STOX2: variants seen among roughly 807,000 people sequenced by gnomAD.
STOX2 encodes the protein storkhead box 2.
A neutral mutation model predicts 60.9 loss-of-function variants in STOX2; 28 were observed. The observed-to-expected ratio is 0.46, with a 90% confidence interval of 0.34 to 0.63. The LOEUF (loss-of-function observed/expected upper bound fraction) is 0.63. Among genes scored for constraint, STOX2 ranks in the 30% least tolerant of loss-of-function variants. STOX2 has a pLI of 0.01. For missense variants in STOX2, 1,024 were observed against 1,187.7 expected (o/e 0.86, Z 2.03); for synonymous variants, 472 against 463.9 (o/e 1.02, Z -0.22).
At chr4:183,950,071 A>G (rs1004162824) in intron 1 of STOX2, among the ~76,000 whole-genome samples, 10 of 152,236 alleles carry the variant, frequency 6.6e-5, no homozygotes, top group African/African-American at 2.4e-4. Flanking sequence ...TGCTAACTGC[A>G]TTGGATTAAT....
At chr4:183,982,181 C>T (rs1182948836) in intron 1 of STOX2, among the ~76,000 whole-genome samples, 1 of 152,174 alleles carries the variant, frequency 6.6e-6, no homozygotes, top group Non-Finnish European at 1.5e-5. Flanking sequence ...TTTTCTGTGT[C>T]TCCTCCAGCT....
At position 183,856,120 on chromosome 4, in the gene STOX2, G is replaced by A. The variant is rs991195730; in HGVS notation, c.364+58065G>A. Among the ~76,000 whole-genome samples the A allele has an allele frequency of 1.3e-5, 2 of 152,104 alleles. No homozygotes were observed. Among genetic ancestry groups the A allele is most frequent in the East Asian group, 1.9e-4 (1 of 5,198 alleles). Reference sequence around the variant, plus strand: ...GACCTCTCAGAAACATCCTAAGTGCGCACCCTGGGGTCTCGAATAGGCTGG... The same window carrying A: ...GACCTCTCAGAAACATCCTAAGTGCACACCCTGGGGTCTCGAATAGGCTGG... On this transcript the variant is annotated intron_variant, in intron 1 of 2. Coordinates refer to the STOX2 transcript ENST00000513034. This position sits in a 1 kb window ranked among gnomAD's most constrained non-coding sequence, Gnocchi z 4.0.
At chr4:183,953,421 T>A (rs1743152714) in intron 1 of STOX2, among the ~76,000 whole-genome samples, 2 of 152,262 alleles carry the variant, frequency 1.3e-5, no homozygotes, top group South Asian at 4.1e-4. Context: ...CACCTTCCCC[T>A]CCCACTAGAG....
chr4:183,981,717 C>A (rs1458941742), intron 1 of STOX2, among the ~76,000 whole-genome samples: 2 of 152,136 alleles, frequency 1.3e-5, no homozygotes, highest in Non-Finnish European at 2.9e-5. Context: ...ATAGTTTATA[C>A]CACAATGTGG....
At chr4:183,876,317 G>A (rs1393251755) in intron 1 of STOX2, among the ~76,000 whole-genome samples, 1 of 152,196 alleles carries the variant, frequency 6.6e-6, no homozygotes, top group Non-Finnish European at 1.5e-5. Flanking sequence ...GTGCGTAATG[G>A]CTTTCCAGAG....
rs768112329 is a variant in STOX2, at chr4:184,009,968, G to C, written c.1130G>C (p.Arg377Pro). Residue 377 changes from arginine to proline, a missense_variant, in exon 3 of 4, where the codon CGG becomes CCG. Coordinates refer to ENST00000308497, the MANE Select transcript of STOX2 (RefSeq NM_020225.3). The surrounding 1 kb of genome is among the most constrained non-coding windows in gnomAD (Gnocchi z 4.0). The part of the protein sequence containing the change: ...HGKSRSHSKT[R>P]VSKGDPSDGS... ...AAGTCTCGGTCTCACAGCAAGACACGGGTGTCTAAAGGAGACCCTTCCGAC... is the reference window on the plus strand; with the variant it reads ...AAGTCTCGGTCTCACAGCAAGACACCGGTGTCTAAAGGAGACCCTTCCGAC... 1.2e-6 allele frequency: 2 copies of C among 1,613,810 alleles called. No homozygotes were observed. The highest frequency in any genetic ancestry group is 1.7e-6 in the Non-Finnish European group (2 of 1,179,812).
chr4:184,017,296 C>A lies in STOX2; in HGVS notation c.*12C>A. 1 of 1,575,540 alleles carries A rather than the reference C, an allele frequency of 6.3e-7. No homozygotes were observed. The highest frequency in any genetic ancestry group is 8.6e-7 in the Non-Finnish European group (1 of 1,159,828). On this transcript the variant is annotated 3_prime_UTR_variant, in exon 4 of 4. Coordinates refer to ENST00000308497, the MANE Select transcript of STOX2 (RefSeq NM_020225.3). Reference sequence around the variant, plus strand: ...TTACTAGCGTGTGATTGTCCTTCTGCCTCAGATCTTCTGTCTCATTCGATA... The same window carrying A: ...TTACTAGCGTGTGATTGTCCTTCTGACTCAGATCTTCTGTCTCATTCGATA...
intron 2 of STOX2, among the ~76,000 whole-genome samples, chr4:184,005,837 T>C (rs965881494): frequency 1.3e-5 from 2 of 152,170 alleles, no homozygotes. Flanking sequence ...GGTCACAGCA[T>C]GGAAAATGGC....
intron 1 of STOX2, among the ~76,000 whole-genome samples, chr4:183,956,478 C>A (rs927506808): frequency 6.6e-6 from 1 of 150,602 alleles, no homozygotes; most frequent in African/African-American, 2.4e-5. Flanking sequence ...ATCTATCTAT[C>A]TATCTCTAGT....
intron 1 of STOX2, among the ~76,000 whole-genome samples, chr4:183,989,796 T>C (rs1050130292): frequency 2.0e-5 from 3 of 152,196 alleles, no homozygotes; most frequent in Non-Finnish European, 4.4e-5. Flanking sequence ...TAAATTTTGG[T>C]CCTCAAAAGT....
At chr4:183,888,742 C>A (rs1368077085) in intron 1 of STOX2, among the ~76,000 whole-genome samples, 2 of 152,214 alleles carry the variant, frequency 1.3e-5, no homozygotes, top group African/African-American at 2.4e-5. Flanking sequence ...GAGACAGACT[C>A]TTGCTCCTGT....
intron 1 of STOX2, among the ~76,000 whole-genome samples, chr4:183,947,936 G>T (rs1294804093): frequency 6.6e-6 from 1 of 152,242 alleles, no homozygotes; most frequent in South Asian, 2.1e-4. Flanking sequence ...GTAAGTAGAG[G>T]CTGGGTGCAG....
Position 184,018,576 on chromosome 4 carries a change from A to C in STOX2, c.*1292A>C, listed in dbSNP as rs925391703. 2.6e-5 allele frequency: 4 copies of C among 152,244 alleles called. No homozygotes were observed. Among genetic ancestry groups the C allele is most frequent in the Admixed American group, 2.6e-4 (4 of 15,284 alleles). The allele number at this position is 152,244 out of a possible 1,614,324, so 9.4% of individuals were successfully genotyped here. ...ATTATGCATACATGAACTATGCCAG[A>C]GTAATGTTTACAGATACTTTGTAAC... On this transcript the variant is annotated 3_prime_UTR_variant, in exon 4 of 4. Coordinates refer to ENST00000308497, the MANE Select transcript of STOX2 (RefSeq NM_020225.3).
intron 1 of STOX2, among the ~76,000 whole-genome samples, chr4:183,926,328 ATAAG>A (rs145542601): frequency 0.16 from 24,477 of 152,154 alleles, 2,379 homozygotes; most frequent in African/African-American, 0.28. Flanking sequence ...CCAAGAAGAA[ATAAG>A]TAAGAAACAC....
chr4:183,918,396 A>G (rs909705204), intron 1 of STOX2, among the ~76,000 whole-genome samples: 2 of 152,234 alleles, frequency 1.3e-5, no homozygotes, highest in Non-Finnish European at 2.9e-5. Flanking sequence ...ACTTAAAATC[A>G]GGGAAATTGT....
chr4:183,841,497 G>A (rs559264556), intron 1 of STOX2, among the ~76,000 whole-genome samples: 17 of 152,244 alleles, frequency 1.1e-4, no homozygotes, highest in African/African-American at 4.1e-4. Flanking sequence ...ACAGGCTTGA[G>A]CCACTGTGCC....
intron 1 of STOX2, among the ~76,000 whole-genome samples, chr4:183,842,309 G>A (rs1219663742): frequency 6.6e-6 from 1 of 152,152 alleles, no homozygotes; most frequent in Non-Finnish European, 1.5e-5. Context: ...TTTGAATGGA[G>A]TATAGAAGAC....
At chr4:183,996,971 T>C (rs1033858355) in intron 1 of STOX2, among the ~76,000 whole-genome samples, 2 of 152,232 alleles carry the variant, frequency 1.3e-5, no homozygotes, top group African/African-American at 4.8e-5. Flanking sequence ...TAGATTATCA[T>C]GTTAAAAATG....
chr4:184,013,756 G>A (rs1970889), intron 3 of STOX2, among the ~76,000 whole-genome samples: 147,025 of 152,160 alleles, frequency 0.97, 71,210 homozygotes, highest in Middle Eastern at 1. Flanking sequence ...ATTATCATGC[G>A]CCTACATTAC....
Sources: allele counts gnomAD v4.1 joint callset (sites outside exome capture counted in the v4.1 genomes callset), GRCh38; gene constraint gnomAD v4.1.1; non-coding constraint Gnocchi (gnomAD v3.1); transcripts MANE v1.5; gene names NCBI Gene and HGNC (gene_info 2026-07-23, HGNC 2026-07-21).